The following CFAP91 variants were observed in gnomAD, a reference collection of about 807,000 sequenced individuals.
CFAP91 encodes cilia- and flagella-associated protein 91.
CFAP91 carries 85 observed loss-of-function variants against 95.9 expected under a neutral mutation model. The ratio of observed to expected loss-of-function variants is 0.89; its 90% confidence interval spans 0.74 to 1.06. The LOEUF (loss-of-function observed/expected upper bound fraction) is 1.06, where lower values mean the gene tolerates loss of function less well. CFAP91 is among the 50% of genes least tolerant of loss of function. CFAP91 has a pLI of 0.00. For synonymous variants in CFAP91, 335 were observed against 327.5 expected (o/e 1.02, Z -0.25); for missense variants, 962 against 943.4 (o/e 1.02, Z -0.26).
intron 1 of CFAP91, among the ~76,000 whole-genome samples, chr3:119,704,395 G>C (rs1417692311): frequency 1.3e-5 from 2 of 152,180 alleles, no homozygotes; most frequent in Non-Finnish European, 2.9e-5. Flanking sequence ...AGGAAGCGAA[G>C]TATAGCCAGG....
At chr3:119,715,287 C>A in intron 5 of CFAP91, 1 of 540,194 alleles carries the variant, frequency 1.9e-6, no homozygotes, top group South Asian at 1.9e-5. Context: ...GTTCTACAAC[C>A]TTGCCCAGTG....
chr3:119,724,251 T>C (rs985492714), intron 6 of CFAP91, among the ~76,000 whole-genome samples: 1 of 151,918 alleles, frequency 6.6e-6, no homozygotes, highest in East Asian at 1.9e-4. Context: ...CATAGACACA[T>C]AAATTTGTAT....
At chr3:119,724,912 C>T in intron 6 of CFAP91, among the ~76,000 whole-genome samples, 1 of 151,858 alleles carries the variant, frequency 6.6e-6, no homozygotes, top group Non-Finnish European at 1.5e-5. Flanking sequence ...GCCTGGCTAA[C>T]AATACCCTAA....
At chr3:119,714,175 A>C (rs1355244236) in intron 5 of CFAP91, among the ~76,000 whole-genome samples, 1 of 152,002 alleles carries the variant, frequency 6.6e-6, no homozygotes, top group Non-Finnish European at 1.5e-5. Flanking sequence ...ATCCTGGCTA[A>C]CATGGCGAAA....
intron 17 of CFAP91, among the ~76,000 whole-genome samples, chr3:119,756,170 A>G (rs1577247808): frequency 6.6e-6 from 1 of 152,170 alleles, no homozygotes; most frequent in South Asian, 2.1e-4. Context: ...AGCCAAAAAG[A>G]AAAAGAAAAA....
intron 17 of CFAP91, 54 bp downstream of exon 17, chr3:119,751,152 T>G: frequency 6.5e-7 from 1 of 1,533,386 alleles, no homozygotes; most frequent in Non-Finnish European, 8.8e-7. Context: ...AAAAGCGGCA[T>G]TGTTCAGCTT....
intron 10 of CFAP91, among the ~76,000 whole-genome samples, chr3:119,735,094 G>A (rs188442501): frequency 6.6e-6 from 1 of 151,870 alleles, no homozygotes; most frequent in Admixed American, 6.6e-5. Flanking sequence ...TCTTATTCAT[G>A]TCTACTCTTT....
intron 6 of CFAP91, among the ~76,000 whole-genome samples, chr3:119,718,927 G>T (rs1245387555): frequency 6.6e-6 from 1 of 150,538 alleles, no homozygotes; most frequent in Non-Finnish European, 1.5e-5. Flanking sequence ...AAAAAAATGA[G>T]CACATTATTC....
intron 15 of CFAP91, 100 bp from the exon 16 acceptor site, chr3:119,747,708 ATGG>A: frequency 5.7e-6 from 5 of 883,572 alleles, no homozygotes; most frequent in Non-Finnish European, 8.6e-6. Context: ...GGAAAAGGTG[ATGG>A]TGGGGTTTGA....
chr3:119,747,072 A>C (rs771429739), intron 14 of CFAP91, 43 bp from the exon 15 acceptor site: 1 of 1,441,802 alleles, frequency 6.9e-7, no homozygotes, highest in South Asian at 1.6e-5. Flanking sequence ...TGTTGTTTAC[A>C]ACAGCATACC....
chr3:119,716,433 G>A (rs554956167), intron 6 of CFAP91, among the ~76,000 whole-genome samples: 1 of 152,200 alleles, frequency 6.6e-6, no homozygotes, highest in Non-Finnish European at 1.5e-5. Context: ...GTTGGTTCAT[G>A]GTAATGATTT....
chr3:119,757,124 G>A (rs2054446358), intron 17 of CFAP91, among the ~76,000 whole-genome samples: 1 of 152,008 alleles, frequency 6.6e-6, no homozygotes, highest in Non-Finnish European at 1.5e-5. Flanking sequence ...AAAACTTTAA[G>A]GCAGAAAGTA....
chr3:119,732,370 T>G lies in CFAP91; in HGVS notation c.1095T>G (p.Ser365=), dbSNP rs761714604. ...LERRNIIKDY[S]DYASQVYGPL... ...GAAGAAATATCATCAAGGATTATTC[T>G]GATTATGCATCACAGGTCTATGGAC... The change falls in exon 9 of 18, where the codon TCT becomes TCG. Residue 365 remains serine (S), a synonymous_variant. Transcript: ENST00000273390. 6.2e-7 allele frequency: 1 copy of G among 1,612,710 alleles called. No individual in the cohort carries two copies. Among genetic ancestry groups the G allele is most frequent in the Non-Finnish European group, 8.5e-7 (1 of 1,178,872 alleles).
Position 119,747,567 on chromosome 3 carries a change from T to C in CFAP91, c.2052-244T>C, listed in dbSNP as rs921727106. ...ACTTCATCCCAAGGTTGCTGGCTTCTATGTATAAGCTGTGTTTCCAACATT... is the reference window on the plus strand; with the variant it reads ...ACTTCATCCCAAGGTTGCTGGCTTCCATGTATAAGCTGTGTTTCCAACATT... On this transcript the variant is annotated intron_variant, in intron 15 of 17. Coordinates refer to ENST00000273390, the MANE Select transcript of CFAP91 (RefSeq NM_033364.4). 4.6e-5 allele frequency: 26 copies of C among 564,016 alleles called. 1 individual carries two copies. In the South Asian group the frequency reaches 5.1e-4, roughly 11 times the overall value. The allele number at this position is 564,016 out of a possible 1,614,324, so 34.9% of individuals were successfully genotyped here. A position where few individuals can be genotyped will look rare whatever the true frequency, so the allele number is the denominator to read the frequency against.
chr3:119,705,919 A>G (rs1326033251), intron 1 of CFAP91: 1 of 152,236 alleles, frequency 6.6e-6, no homozygotes, highest in East Asian at 1.9e-4. Context: ...TTGTTGGGTT[A>G]CTAATGAATT....
intron 4 of CFAP91, 39 bp from the exon 5 acceptor site, chr3:119,709,800 C>T (rs191515611): frequency 2.7e-6 from 4 of 1,502,690 alleles, no homozygotes; most frequent in Non-Finnish European, 3.7e-6. Flanking sequence ...GCATTCATTG[C>T]AAAAGTCCCA....
rs2054639245 is a variant in CFAP91, at chr3:119,766,805, A to G, written c.*1755A>G. Reference sequence around the variant, plus strand: ...AATTCATGTTTGAAAAAGGATTTAAAGTAGCTTCTAATAAAGGACATGTGT... The same window carrying G: ...AATTCATGTTTGAAAAAGGATTTAAGGTAGCTTCTAATAAAGGACATGTGT... On this transcript the variant is annotated 3_prime_UTR_variant, in exon 18 of 18. Transcript: ENST00000273390. The G allele has an allele frequency of 6.6e-6, 1 of 152,230 alleles. No individual in the cohort carries two copies. The highest frequency in any genetic ancestry group is 2.4e-5 in the African/African-American group (1 of 41,454). The allele number at this position is 152,230 out of a possible 1,614,324, so 9.4% of individuals were successfully genotyped here.
At chr3:119,719,936 C>T (rs1301990698) in intron 6 of CFAP91, among the ~76,000 whole-genome samples, 2 of 151,360 alleles carry the variant, frequency 1.3e-5, no homozygotes, top group African/African-American at 4.9e-5. Context: ...AACCCCGTCT[C>T]TACTGAAAAT....
At chr3:119,724,413 A>G (rs1363901294) in intron 6 of CFAP91, among the ~76,000 whole-genome samples, 2 of 152,136 alleles carry the variant, frequency 1.3e-5, no homozygotes, top group African/African-American at 4.8e-5. Flanking sequence ...TGTGAAGTAT[A>G]TATGACAAAA....
Sources: allele counts gnomAD v4.1 joint callset (sites outside exome capture counted in the v4.1 genomes callset), GRCh38; gene constraint gnomAD v4.1.1; transcripts MANE v1.5; gene names NCBI Gene and HGNC (gene_info 2026-07-23, HGNC 2026-07-21).